Variants in IMMP2L observed in about 807,000 individuals in gnomAD.
The protein encoded by IMMP2L is mitochondrial inner membrane protease subunit 2.
In IMMP2L, 18 loss-of-function variants were observed where a neutral mutation model predicts 19.3. The observed-to-expected ratio is 0.93, with a 90% confidence interval of 0.64 to 1.38. The LOEUF (loss-of-function observed/expected upper bound fraction) is 1.38. Ranked by LOEUF, IMMP2L falls within the 40% of genes most tolerant of loss-of-function variation. IMMP2L has a pLI of 0.00. For synonymous variants in IMMP2L, 76 were observed against 73.0 expected, an observed-to-expected ratio of 1.04 and a Z score of -0.21; for missense variants, 233 against 218.2, an observed-to-expected ratio of 1.07 and a Z score of -0.43.
intron 2 of IMMP2L, among the ~76,000 whole-genome samples, chr7:111,500,246 C>T (rs530712209): frequency 2.0e-5 from 3 of 152,242 alleles, no homozygotes; most frequent in East Asian, 1.9e-4. Flanking sequence ...AAGGCGGCAG[C>T]GAGGCTGGGG....
intron 4 of IMMP2L, among the ~76,000 whole-genome samples, chr7:110,892,431 T>C (rs1256548120): frequency 6.6e-6 from 1 of 152,108 alleles, no homozygotes; most frequent in African/African-American, 2.4e-5. Context: ...GGGTATAAAA[T>C]GGTCTGTACT....
chr7:111,487,490 T>G (rs1457843667), intron 2 of IMMP2L, 149 bp from the exon 3 acceptor site: 2 of 515,030 alleles, frequency 3.9e-6, no homozygotes, highest in African/African-American at 3.8e-5. Flanking sequence ...CTGCAAATGA[T>G]GAGTTTTCAA....
chr7:111,547,261 G>C (rs1849011067), intron 1 of IMMP2L, among the ~76,000 whole-genome samples: 1 of 152,234 alleles, frequency 6.6e-6, no homozygotes, highest in Middle Eastern at 3.4e-3. Flanking sequence ...CTACAGAAAG[G>C]TGAAATAAGG....
intron 3 of IMMP2L, among the ~76,000 whole-genome samples, chr7:110,972,844 A>T (rs907319491): frequency 6.6e-6 from 1 of 152,110 alleles, no homozygotes; most frequent in East Asian, 1.9e-4. Context: ...CAGATCTTCA[A>T]AGTTGCTATG....
intron 3 of IMMP2L, among the ~76,000 whole-genome samples, chr7:111,159,833 T>C (rs1291037219): frequency 6.6e-6 from 1 of 152,174 alleles, no homozygotes; most frequent in Non-Finnish European, 1.5e-5. Context: ...TACTTAAACA[T>C]GTAATCAACA....
At chr7:110,691,613 GA>G (rs1166858585) in intron 5 of IMMP2L, among the ~76,000 whole-genome samples, 1 of 151,342 alleles carries the variant, frequency 6.6e-6, no homozygotes, top group East Asian at 1.9e-4. Context: ...AAATTAGCAA[GA>G]AAAAAATAAA....
At chr7:111,359,379 G>A (rs1347898741) in intron 3 of IMMP2L, among the ~76,000 whole-genome samples, 1 of 151,986 alleles carries the variant, frequency 6.6e-6, no homozygotes, top group African/African-American at 2.4e-5. Flanking sequence ...TCAGCTCACT[G>A]CAACTTCCAC....
chr7:111,338,327 T>A (rs1826659766), intron 3 of IMMP2L, among the ~76,000 whole-genome samples: 1 of 151,508 alleles, frequency 6.6e-6, no homozygotes, highest in East Asian at 1.9e-4. Flanking sequence ...AGCACGTTCC[T>A]CCCCCCCTTT....
In IMMP2L at chr7:111,537,906, T is replaced by G. The variant is rs145265270; in HGVS notation, c.-2-16457A>C. 3.2e-3 allele frequency among the ~76,000 whole-genome samples: 483 copies of G among 152,122 alleles called. 3 individuals are homozygous for G. The highest frequency in any genetic ancestry group is 0.011 in the African/African-American group (467 of 41,502). Reference sequence around the variant, plus strand: ...CAATTTCTAGAATATGCCACACTTTTACTTGTCTCTGGGCCCTTATACATC... The same window carrying G: ...CAATTTCTAGAATATGCCACACTTTGACTTGTCTCTGGGCCCTTATACATC... On this transcript the variant is annotated intron_variant, in intron 1 of 5. Transcript: ENST00000405709.
intron 4 of IMMP2L, among the ~76,000 whole-genome samples, chr7:110,899,972 C>T (rs897029342): frequency 6.6e-6 from 1 of 152,142 alleles, no homozygotes; most frequent in Non-Finnish European, 1.5e-5. Flanking sequence ...ATAAGCCTGA[C>T]TTTTTCTTTA....
intron 3 of IMMP2L, among the ~76,000 whole-genome samples, chr7:111,235,656 T>C (rs1434061814): frequency 6.6e-6 from 1 of 152,086 alleles, no homozygotes; most frequent in South Asian, 2.1e-4. Context: ...TGGTATTAGT[T>C]TGATTATAAT....
At chr7:111,122,881 A>T in intron 3 of IMMP2L, 1 of 1,614,032 alleles carries the variant, frequency 6.2e-7, no homozygotes, top group Non-Finnish European at 8.5e-7. Context: ...TACGTGTGAA[A>T]TCAGGCCTTG....
At chr7:110,763,413 C>T (rs916492682) in intron 5 of IMMP2L, among the ~76,000 whole-genome samples, 2 of 151,974 alleles carry the variant, frequency 1.3e-5, no homozygotes, top group Admixed American at 1.3e-4. Flanking sequence ...CAAGCAAAGC[C>T]CTACGGTGGG....
intron 3 of IMMP2L, among the ~76,000 whole-genome samples, chr7:111,353,997 T>C (rs1171006442): frequency 2.0e-5 from 3 of 152,030 alleles, no homozygotes; most frequent in Non-Finnish European, 4.4e-5. Flanking sequence ...TAAGGAGACA[T>C]ATAATTGAAG....
chr7:110,825,289 C>T (rs1456078537), intron 5 of IMMP2L, among the ~76,000 whole-genome samples: 1 of 152,070 alleles, frequency 6.6e-6, no homozygotes, highest in Non-Finnish European at 1.5e-5. Context: ...TCCATGCCAT[C>T]CCCATCAAGC....
At chr7:111,490,248 A>G (rs1166939283) in intron 2 of IMMP2L, among the ~76,000 whole-genome samples, 1 of 150,054 alleles carries the variant, frequency 6.7e-6, no homozygotes, top group Non-Finnish European at 1.5e-5. Context: ...CTACAAGTGC[A>G]TACCACCACA....
At position 110,877,445 on chromosome 7, in the gene IMMP2L, G is replaced by T. The variant is rs1318022723; in HGVS notation, c.408+9148C>A. Among the ~76,000 whole-genome samples, 3 of 152,124 alleles carry T rather than the reference G, an allele frequency of 2.0e-5. No individual in the cohort carries two copies. The highest frequency in any genetic ancestry group is 7.2e-5 in the African/African-American group (3 of 41,442). The stretch of plus-strand genomic sequence containing the variant: ...TAGAGTAGGTCTGGGAGTAGTCATT[G>T]TCCAGATTAAGGTGGGCAGGCACAA... On this transcript the variant is annotated intron_variant, in intron 5 of 5. Coordinates refer to ENST00000405709, the MANE Select transcript of IMMP2L (RefSeq NM_032549.4). This position sits in a 1 kb window ranked among gnomAD's most constrained non-coding sequence, Gnocchi z 4.0.
chr7:111,096,102 T>A lies in IMMP2L; in HGVS notation c.240-132537A>T, dbSNP rs964803147. 2.6e-5 allele frequency among the ~76,000 whole-genome samples: 4 copies of A among 152,140 alleles called. No homozygotes were observed. In the East Asian group the frequency reaches 7.7e-4, roughly 29 times the overall value. On this transcript the variant is annotated intron_variant, in intron 3 of 5. Transcript: ENST00000405709. Reference sequence around the variant, plus strand: ...AGAAGGATACAAAATATAAACACAATAATTGTGAATATTTGTTTAAAGCTC... The same window carrying A: ...AGAAGGATACAAAATATAAACACAAAAATTGTGAATATTTGTTTAAAGCTC...
intron 2 of IMMP2L, among the ~76,000 whole-genome samples, chr7:111,500,323 G>A (rs536766230): frequency 4.6e-5 from 7 of 152,246 alleles, no homozygotes; most frequent in Middle Eastern, 3.4e-3. Context: ...CGAACTACGC[G>A]GAGACTACCA....
Sources: gnomAD v4.1 joint callset for allele counts (sites outside exome capture counted in the v4.1 genomes callset) on GRCh38, gnomAD v4.1.1 for gene constraint, Gnocchi (gnomAD v3.1) non-coding constraint, MANE v1.5 for transcripts, NCBI Gene and HGNC (gene_info 2026-07-23, HGNC 2026-07-21) for gene names.